The following WASF3 variants were observed in gnomAD, a reference collection of about 807,000 sequenced individuals.
WASF3 encodes the protein WASP family member 3.
Under a neutral mutation model 46.6 loss-of-function variants are expected in WASF3, and 11 were observed. The ratio of observed to expected loss-of-function variants is 0.24; its 90% CI spans 0.15 to 0.39. The LOEUF is 0.39. WASF3 is among the 10% of genes least tolerant of loss of function. The probability of loss-of-function intolerance (pLI) is 1.00; values close to 1 mark genes in which losing one functional copy is unlikely to be tolerated. For synonymous variants in WASF3, 242 were observed against 259.7 expected, an observed-to-expected ratio of 0.93 and a Z score of 0.65; for missense variants, 576 against 669.8, an observed-to-expected ratio of 0.86 and a Z score of 1.55.
intron 1 of WASF3, among the ~76,000 whole-genome samples, chr13:26,588,416 C>G (rs954918979): frequency 6.6e-6 from 1 of 152,178 alleles, no homozygotes; most frequent in African/African-American, 2.4e-5. Flanking sequence ...TTCCAGATTT[C>G]TGGGAGGGAA....
At chr13:26,548,794 C>T in the WASF3 span, among the ~76,000 whole-genome samples, 1 of 152,140 alleles carries the variant, frequency 6.6e-6, no homozygotes, top group African/African-American at 2.4e-5. Flanking sequence ...TCCAGCCCTG[C>T]AGTGCCCTTC....
chr13:26,625,998 G>A (rs528476614), intron 2 of WASF3: 2 of 152,238 alleles, frequency 1.3e-5, no homozygotes, highest in East Asian at 1.9e-4. Flanking sequence ...GAACAGGTGG[G>A]ACAAATAGAA....
chr13:26,667,743 T>C (rs1336503949), intron 5 of WASF3, 73 bp downstream of exon 5: 2 of 1,453,634 alleles, frequency 1.4e-6, no homozygotes, highest in African/African-American at 1.4e-5. Context: ...AGCAAGCTGA[T>C]GCATTGTGTG....
At chr13:26,668,098 G>A (rs1278619520) in intron 5 of WASF3, among the ~76,000 whole-genome samples, 3 of 152,094 alleles carry the variant, frequency 2.0e-5, no homozygotes, top group Non-Finnish European at 4.4e-5. Flanking sequence ...AGAAAAAAAT[G>A]TATTCTGTAG....
At chr13:26,656,351 CTT>C (rs1301807134) in intron 3 of WASF3, among the ~76,000 whole-genome samples, 1 of 152,148 alleles carries the variant, frequency 6.6e-6, no homozygotes, top group African/African-American at 2.4e-5. Context: ...CCTAAACTCT[CTT>C]TACTTAAAAC....
At chr13:26,590,155 C>A (rs928669281) in intron 1 of WASF3, among the ~76,000 whole-genome samples, 4 of 152,146 alleles carry the variant, frequency 2.6e-5, no homozygotes, top group African/African-American at 9.7e-5. Flanking sequence ...TGGTTTGAAG[C>A]CTGGATGCTT....
chr13:26,588,256 G>C (rs1046482475), intron 1 of WASF3, among the ~76,000 whole-genome samples: 4 of 152,230 alleles, frequency 2.6e-5, no homozygotes, highest in African/African-American at 9.6e-5. Flanking sequence ...AAAATTCAGA[G>C]TGGGAGTTGG....
intron 1 of WASF3, among the ~76,000 whole-genome samples, chr13:26,597,486 T>C (rs1336783978): frequency 1.3e-5 from 2 of 149,886 alleles, no homozygotes; most frequent in Non-Finnish European, 3.0e-5. Flanking sequence ...GTTTTAGTCT[T>C]TTTTTTTTAT....
In WASF3 at chr13:26,559,804, CTTTCTTTTTTTTTTTTTT is replaced by C. The variant is rs201200345; in HGVS notation, c.-109+1989_-109+2006del. On this transcript the variant is annotated intron_variant, in intron 1 of 9. Coordinates refer to ENST00000335327, the MANE Select transcript of WASF3 (RefSeq NM_006646.6). ...TTTCTTTTCTTTTCTTTCTTTCTTT[CTTTCTTTTTTTTTTTTTT>C]TTTTTTTTTTTTGAGACGGAGTCTT... is the stretch of plus-strand genomic sequence containing the variant. 4.3e-3 allele frequency among the ~76,000 whole-genome samples: 220 copies of C among 50,658 alleles called. 12 individuals are homozygous for C. The East Asian group carries it at 0.084, about 19-fold the overall frequency. The allele number at this position is 50,658 out of a possible 152,430, so 33.2% of individuals were successfully genotyped here.
At chr13:26,685,591 CAGT>C in intron 9 of WASF3, 94 bp from the exon 10 acceptor site, 1 of 1,434,294 alleles carries the variant, frequency 7.0e-7, no homozygotes, top group Non-Finnish European at 9.5e-7. Context: ...TCCTTAGTGT[CAGT>C]AGAAAAAAAA....
At chr13:26,576,916 A>G in intron 1 of WASF3, 2 of 773,054 alleles carry the variant, frequency 2.6e-6, no homozygotes, top group South Asian at 1.4e-5. Flanking sequence ...ACGCCTTACG[A>G]AAGGAGGCAA....
chr13:26,624,655 ACCC>A (rs1881411004), intron 2 of WASF3, among the ~76,000 whole-genome samples: 2 of 152,024 alleles, frequency 1.3e-5, no homozygotes, highest in African/African-American at 4.8e-5. Context: ...TTTTTTAAGA[ACCC>A]TCCAAGTTCT....
In WASF3 at chr13:26,675,298, T is replaced by A. The variant is rs192207158; in HGVS notation, c.541-1251T>A. Among the ~76,000 whole-genome samples the A allele has an allele frequency of 1.6e-4, 25 of 152,216 alleles. No individual in the cohort carries two copies. In the East Asian group the frequency reaches 4.8e-3, roughly 29 times the overall value. On this transcript the variant is annotated intron_variant, in intron 6 of 9. Coordinates refer to ENST00000335327, the MANE Select transcript of WASF3 (RefSeq NM_006646.6). ...GGGCCATTCACCCCAATGTACCATT[T>A]ACATTCTTTTATTTCTTTGAGTGCA...
chr13:26,651,906 A>G (rs1338144447), intron 3 of WASF3, among the ~76,000 whole-genome samples: 2 of 152,244 alleles, frequency 1.3e-5, no homozygotes, highest in Non-Finnish European at 2.9e-5. Context: ...TTAAGGGTAC[A>G]TAGTATAATT....
At chr13:26,597,444 T>TTG (rs1880503539) in intron 1 of WASF3, among the ~76,000 whole-genome samples, 2 of 152,012 alleles carry the variant, frequency 1.3e-5, no homozygotes, top group South Asian at 2.1e-4. Flanking sequence ...CCCTTGATTT[T>TTG]TTGTTGTTGT....
intron 2 of WASF3, among the ~76,000 whole-genome samples, chr13:26,615,889 T>G (rs1331775516): frequency 6.6e-6 from 1 of 152,186 alleles, no homozygotes; most frequent in Non-Finnish European, 1.5e-5. Flanking sequence ...ATGTAGTATT[T>G]TCGTCTGGCT....
chr13:26,675,822 A>G (rs916764733), intron 6 of WASF3, among the ~76,000 whole-genome samples: 1 of 152,198 alleles, frequency 6.6e-6, no homozygotes, highest in African/African-American at 2.4e-5. Flanking sequence ...ATACCATAAG[A>G]CAAGAGGGAA....
intron 2 of WASF3, among the ~76,000 whole-genome samples, chr13:26,625,226 A>G (rs1312732155): frequency 6.6e-6 from 1 of 152,162 alleles, no homozygotes; most frequent in Non-Finnish European, 1.5e-5. Flanking sequence ...TACTGTTTAT[A>G]TTAGGGGGTC....
Position 26,585,317 on chromosome 13 carries a change from C to G in WASF3, c.-109+27498C>G, listed in dbSNP as rs1184579413. Among the ~76,000 whole-genome samples the G allele has an allele frequency of 2.1e-5, 3 of 146,022 alleles. No homozygotes were observed. In the South Asian group the frequency reaches 6.4e-4, roughly 31 times the overall value. On this transcript the variant is annotated intron_variant, in intron 1 of 9. Coordinates refer to ENST00000335327, the MANE Select transcript of WASF3 (RefSeq NM_006646.6). ...ATTATCTTGTGGATGGAGTCCCTCA[C>G]TGAGCTGATATGCTGTTACGTTAGT...
Sources: gnomAD v4.1 joint callset for allele counts (sites outside exome capture counted in the v4.1 genomes callset) on GRCh38, gnomAD v4.1.1 for gene constraint, MANE v1.5 for transcripts, NCBI Gene and HGNC (gene_info 2026-07-23, HGNC 2026-07-21) for gene names.